Variants in CRLS1 observed in about 807,000 individuals in gnomAD.
CRLS1 encodes cardiolipin synthase (CMP-forming).
Under a neutral mutation model 37.0 loss-of-function variants are expected in CRLS1, and 24 were observed. The ratio of observed to expected loss-of-function variants is 0.65; its 90% CI spans 0.47 to 0.91. CRLS1 has a LOEUF of 0.91. CRLS1 is among the 40% of genes least tolerant of loss of function. CRLS1 has a pLI of 0.00. For missense variants in CRLS1, 373 were observed against 395.8 expected, an observed-to-expected ratio of 0.94 and a Z score of 0.49; for synonymous variants, 135 against 159.7, an observed-to-expected ratio of 0.85 and a Z score of 1.17.
intron 1 of CRLS1, 39 bp downstream of exon 1, chr20:6,006,591 TG>T: frequency 1.6e-6 from 2 of 1,249,118 alleles, no homozygotes; most frequent in South Asian, 3.2e-5. Context: ...GGCCCTGGGC[TG>T]GGGTCGCCGC....
intron 2 of CRLS1, among the ~76,000 whole-genome samples, chr20:6,013,349 G>A (rs1375047897): frequency 6.6e-6 from 1 of 151,554 alleles, no homozygotes; most frequent in Non-Finnish European, 1.5e-5. Context: ...TGTGCCCAGT[G>A]AATTTTTGTT....
chr20:6,006,199 G>A lies in CRLS1; in HGVS notation c.-48G>A. The stretch of plus-strand genomic sequence containing the variant: ...GAGAAGCGGCTCGCCAGTGTCCCAG[G>A]CTGCTGAGCTCTCGCCGCCCGAGAC... On this transcript the variant is annotated 5_prime_UTR_variant, in exon 1 of 7. Transcript: ENST00000378863. 1 of 1,114,640 alleles carries A rather than the reference G, an allele frequency of 9.0e-7. No individual in the cohort carries two copies. Among genetic ancestry groups the A allele is most frequent in the Non-Finnish European group, 1.1e-6 (1 of 885,498 alleles). The allele number at this position is 1,114,640 out of a possible 1,614,324, so 69.0% of individuals were successfully genotyped here. A position where few individuals can be genotyped will look rare whatever the true frequency, so the allele number is the denominator to read the frequency against.
intron 3 of CRLS1, among the ~76,000 whole-genome samples, chr20:6,027,365 G>A (rs1359999121): frequency 4.6e-5 from 7 of 151,682 alleles, no homozygotes; most frequent in African/African-American, 1.2e-4. Context: ...GATTACAGGC[G>A]TGGGCCACCA....
At position 6,006,275 on chromosome 20, in the gene CRLS1, C is replaced by T. The variant is rs1312616597; in HGVS notation, c.29C>T (p.Ser10Leu). 6.3e-6 allele frequency: 8 copies of T among 1,261,852 alleles called. No homozygotes were observed. The highest frequency in any genetic ancestry group is 3.0e-5 in the South Asian group (1 of 33,214). The allele number at this position is 1,261,852 out of a possible 1,614,324, so 78.2% of individuals were successfully genotyped here. Reference protein sequence around the residue: MLALRVARGSWGALRGAAWA... With the variant: MLALRVARGLWGALRGAAWA... ...CTAGCCTTGCGCGTGGCGCGCGGCTCGTGGGGGGCCCTGCGCGGCGCCGCT... is the reference window on the plus strand; with the variant it reads ...CTAGCCTTGCGCGTGGCGCGCGGCTTGTGGGGGGCCCTGCGCGGCGCCGCT... The change falls in exon 1 of 7, where the codon TCG becomes TTG. Residue 10 changes from serine to leucine, a missense_variant. Transcript: ENST00000378863.
Position 6,037,134 on chromosome 20 carries a change from G to A in CRLS1, c.882G>A (p.Lys294=), listed in dbSNP as rs544210416. The A allele has an allele frequency of 1.2e-6, 2 of 1,613,470 alleles. No homozygotes were observed. The highest frequency in any genetic ancestry group is 2.7e-5 in the African/African-American group (2 of 75,006). ...ATAGTTACTATCATTATGGCCGGAA[G>A]ACTGTTCAGGTGATAAAAGACTGAT... ...SAYSYYHYGR[K]TVQVIKD The change falls in exon 7 of 7, where the codon AAG becomes AAA. Residue 294 remains lysine, a synonymous_variant. Coordinates refer to ENST00000378863, the MANE Select transcript of CRLS1 (RefSeq NM_019095.6).
At chr20:6,031,860 A>C (rs886918507) in intron 4 of CRLS1, 152 bp from the exon 5 acceptor site, 8 of 535,792 alleles carry the variant, frequency 1.5e-5, no homozygotes, top group African/African-American at 5.9e-5. Context: ...AAAAATCTAT[A>C]CATTTTTTAA....
intron 3 of CRLS1, among the ~76,000 whole-genome samples, chr20:6,016,827 C>T (rs1187158926): frequency 6.6e-6 from 1 of 152,086 alleles, no homozygotes; most frequent in Non-Finnish European, 1.5e-5. Context: ...CCCATGTCTT[C>T]CTTTGCTTTA....
In CRLS1 at chr20:6,006,455, C is replaced by G. The variant is rs1272769997; in HGVS notation, c.209C>G (p.Ser70Trp). The G allele has an allele frequency of 2.1e-6, 3 of 1,405,416 alleles. No individual in the cohort carries two copies. The highest frequency in any genetic ancestry group is 1.5e-5 in the South Asian group (1 of 65,940). 87.1% of individuals were successfully genotyped at this position (1,405,416 alleles called of 1,614,324 possible). A position where few individuals can be genotyped will look rare whatever the true frequency, so the allele number is the denominator to read the frequency against. The change falls in exon 1 of 7, where the codon TCG becomes TGG. Residue 70 changes from serine (S) to tryptophan (W), a missense_variant. By Grantham distance (177) the Ser-to-Trp change is radical (BLOSUM62 -3). Transcript: ENST00000378863. ...LPGIGQRNHCSGAGKAAPRPA... is the reference protein window; with the variant it reads ...LPGIGQRNHCWGAGKAAPRPA... The stretch of plus-strand genomic sequence containing the variant: ...GGGATCGGCCAGCGGAACCACTGTT[C>G]GGGCGCGGGGAAGGCGGCTCCCAGG...
intron 5 of CRLS1, among the ~76,000 whole-genome samples, chr20:6,032,935 T>G (rs1980283750): frequency 6.6e-6 from 1 of 152,000 alleles, no homozygotes; most frequent in Non-Finnish European, 1.5e-5. Flanking sequence ...TTTTTGTTTG[T>G]TTGTTTGTTT....
At chr20:6,008,525 G>A (rs974559419) in intron 1 of CRLS1, among the ~76,000 whole-genome samples, 3 of 152,212 alleles carry the variant, frequency 2.0e-5, no homozygotes, top group Admixed American at 6.5e-5. Flanking sequence ...CTCCAAATGA[G>A]TTGTCTAGGA....
chr20:6,030,599 TC>T, intron 3 of CRLS1, among the ~76,000 whole-genome samples: 1 of 150,134 alleles, frequency 6.7e-6, no homozygotes, highest in East Asian at 1.9e-4. Context: ...GCATCTGTGC[TC>T]CCAGCTACTT....
intron 3 of CRLS1, among the ~76,000 whole-genome samples, chr20:6,019,904 T>C (rs1433479615): frequency 3.3e-5 from 5 of 151,984 alleles, no homozygotes; most frequent in Non-Finnish European, 5.9e-5. Context: ...CCTCAGGTGA[T>C]CCTGAAGTGA....
At chr20:6,030,350 A>G (rs563121039) in intron 3 of CRLS1, among the ~76,000 whole-genome samples, 26 of 152,292 alleles carry the variant, frequency 1.7e-4, no homozygotes, top group Admixed American at 1.1e-3. Context: ...AATGATGACA[A>G]AAATATTGAC....
At chr20:6,030,386 G>T (rs1980067164) in intron 3 of CRLS1, among the ~76,000 whole-genome samples, 2 of 152,112 alleles carry the variant, frequency 1.3e-5, no homozygotes, top group South Asian at 4.1e-4. Flanking sequence ...AATGGGCAGG[G>T]AGAAAAACAG....
At chr20:6,036,787 A>G (rs1476319506) in intron 6 of CRLS1, among the ~76,000 whole-genome samples, 1 of 152,184 alleles carries the variant, frequency 6.6e-6, no homozygotes, top group African/African-American at 2.4e-5. Flanking sequence ...TGAGAATGTA[A>G]GACACCTAGA....
chr20:6,033,120 AATTTT>A (rs1056327332), intron 5 of CRLS1, among the ~76,000 whole-genome samples: 3 of 148,040 alleles, frequency 2.0e-5, no homozygotes, highest in East Asian at 1.9e-4. Flanking sequence ...AATTTAATTT[AATTTT>A]ATTTTATTTT....
intron 2 of CRLS1, among the ~76,000 whole-genome samples, chr20:6,015,034 A>G (rs1978634301): frequency 6.6e-6 from 1 of 152,290 alleles, no homozygotes. Flanking sequence ...TGGGTTCTTT[A>G]TAGCTGTAAA....
At chr20:6,028,852 A>C (rs1447730002) in intron 3 of CRLS1, 1 of 152,240 alleles carries the variant, frequency 6.6e-6, no homozygotes. Context: ...CACATTTTAC[A>C]CTGTCCTGCC....
chr20:6,022,721 A>G (rs1048506616), intron 3 of CRLS1, among the ~76,000 whole-genome samples: 5 of 152,178 alleles, frequency 3.3e-5, no homozygotes, highest in Admixed American at 6.5e-5. Flanking sequence ...CAGTTTCACA[A>G]TAATATTTCT....
Sources: gnomAD v4.1 joint callset for allele counts (sites outside exome capture counted in the v4.1 genomes callset) on GRCh38, gnomAD v4.1.1 for gene constraint, MANE v1.5 for transcripts, NCBI Gene and HGNC (gene_info 2026-07-23, HGNC 2026-07-21) for gene names.